The following NIPSNAP2 variants were observed in gnomAD, a reference collection of about 807,000 sequenced individuals.
NIPSNAP2 encodes nipsnap homolog 2.
In NIPSNAP2, 42 loss-of-function variants were observed where a neutral mutation model predicts 48.4. That is an observed-to-expected ratio of 0.87 (90% CI 0.68 to 1.12). The LOEUF is 1.12. Ranked by LOEUF, NIPSNAP2 falls within the 50% of genes most tolerant of loss-of-function variation. The pLI is 0.00. For missense variants in NIPSNAP2, 314 were observed against 347.3 expected (o/e 0.90, Z 0.76); for synonymous variants, 158 against 126.6 (o/e 1.25, Z -1.67).
chr7:55,997,428 G>A lies in NIPSNAP2; in HGVS notation c.775G>A (p.Glu259Lys), dbSNP rs1288523942. ...RNAAWHKHGW[E>K]ELVYYTVPLI... ...TGCAGCATGGCACAAACATGGCTGGGAGGAATTGGTATATTACACAGGTAA... is the reference window on the plus strand; with the variant it reads ...TGCAGCATGGCACAAACATGGCTGGAAGGAATTGGTATATTACACAGGTAA... The change falls in exon 9 of 10, where the codon GAG becomes AAG. Residue 259 changes from glutamate to lysine, a missense_variant. By Grantham distance (56) the Glu-to-Lys change is moderately conservative. Coordinates refer to ENST00000322090, the MANE Select transcript of NIPSNAP2 (RefSeq NM_001483.3). The A allele has an allele frequency of 1.2e-6, 2 of 1,613,308 alleles. No homozygotes were observed. Among genetic ancestry groups the A allele is most frequent in the Non-Finnish European group, 1.7e-6 (2 of 1,179,406 alleles).
chr7:55,978,293 G>C (rs1485250046), intron 2 of NIPSNAP2, 28 bp downstream of exon 2: 2 of 1,613,244 alleles, frequency 1.2e-6, no homozygotes, highest in Admixed American at 3.3e-5. Flanking sequence ...TATCTTCATA[G>C]TTGACTTTTT....
chr7:55,981,876 G>A (rs1308156169), intron 4 of NIPSNAP2: 6 of 343,954 alleles, frequency 1.7e-5, no homozygotes, highest in Non-Finnish European at 2.1e-5. Context: ...TGAGTATCTA[G>A]GCTCACTGCG....
intron 1 of NIPSNAP2, among the ~76,000 whole-genome samples, chr7:55,974,418 T>C (rs894622454): frequency 3.3e-5 from 5 of 152,102 alleles, no homozygotes; most frequent in Admixed American, 2.6e-4. Flanking sequence ...GAATTTGCTC[T>C]CATGAGAGTT....
chr7:55,977,305 C>T (rs570230521), intron 1 of NIPSNAP2, among the ~76,000 whole-genome samples: 1 of 152,120 alleles, frequency 6.6e-6, no homozygotes, highest in South Asian at 2.1e-4. Context: ...GCAGGAGAAT[C>T]GCTTGAACCT....
chr7:55,978,399 T>G lies in NIPSNAP2; in HGVS notation c.278+4T>G, dbSNP rs766415142. ...TAGAAGCATACAACAAAATTTGGTG[T>G]GTATACCAAACTATCCTTTACTTGG... is the stretch of plus-strand genomic sequence containing the variant. On this transcript the variant is annotated splice_donor_region_variant and intron_variant, in intron 3 of 9. Transcript: ENST00000322090. 14 of 1,609,872 alleles carry G rather than the reference T, an allele frequency of 8.7e-6. No homozygotes were observed. Among genetic ancestry groups the G allele is most frequent in the Non-Finnish European group, 1.1e-5 (13 of 1,178,228 alleles).
At chr7:55,995,500 C>A (rs1294602585) in intron 8 of NIPSNAP2, among the ~76,000 whole-genome samples, 1 of 152,204 alleles carries the variant, frequency 6.6e-6, no homozygotes, top group African/African-American at 2.4e-5. Flanking sequence ...AGATGTCACC[C>A]TTCCCCAGTA....
intron 1 of NIPSNAP2, among the ~76,000 whole-genome samples, chr7:55,973,497 A>T (rs1787050784): frequency 1.3e-5 from 2 of 151,532 alleles, no homozygotes; most frequent in African/African-American, 4.8e-5. Flanking sequence ...TTTTTTTGAG[A>T]TTGAGTCTTG....
rs115721661 is a variant in NIPSNAP2, at chr7:55,985,279, A to G, written c.617+401A>G. On this transcript the variant is annotated intron_variant, in intron 7 of 9. Transcript: ENST00000322090. ...AGGTTAGTTTACATACTTCTTGGAT[A>G]TCATCTTTTCTGAAACGTTACTTTT... Among the ~76,000 whole-genome samples the G allele has an allele frequency of 6.2e-3, 945 of 152,334 alleles. 10 individuals are homozygous for G. Among genetic ancestry groups the G allele is most frequent in the African/African-American group, 0.02 (851 of 41,584 alleles).
Position 55,983,909 on chromosome 7 carries a change from G to C in NIPSNAP2, c.585+41G>C, listed in dbSNP as rs776152741. The C allele has an allele frequency of 2.5e-6, 4 of 1,588,234 alleles. No homozygotes were observed. The East Asian group carries it at 9.0e-5, about 36-fold the overall frequency. The stretch of plus-strand genomic sequence containing the variant: ...TAAGTTATTCCTTTTACTCCTCTGT[G>C]AAAAAGCACAAGCATTTTGTAAGGC... On this transcript the variant is annotated intron_variant, in intron 6 of 9. Coordinates refer to ENST00000322090, the MANE Select transcript of NIPSNAP2 (RefSeq NM_001483.3).
At chr7:55,994,707 C>T (rs1787521566) in intron 7 of NIPSNAP2, among the ~76,000 whole-genome samples, 187 bp from the exon 8 acceptor site, 1 of 152,064 alleles carries the variant, frequency 6.6e-6, no homozygotes, top group Non-Finnish European at 1.5e-5. Flanking sequence ...AATGAGACTC[C>T]GTCTCAAATA....
chr7:55,995,066 T>C lies in NIPSNAP2; in HGVS notation c.712+78T>C, dbSNP rs545925627. 14 of 1,209,248 alleles carry C rather than the reference T, an allele frequency of 1.2e-5. No homozygotes were observed. In the East Asian group the frequency reaches 3.0e-4, roughly 26 times the overall value. 74.9% of individuals were successfully genotyped at this position (1,209,248 alleles called of 1,614,324 possible). ...TTGTACTGGGAAGTAGAGCACATCT[T>C]GAGTCAGTAACCTTAACCACTACAG... On this transcript the variant is annotated intron_variant, in intron 8 of 9. Transcript: ENST00000322090.
At chr7:55,973,658 A>G (rs570525731) in intron 1 of NIPSNAP2, among the ~76,000 whole-genome samples, 3 of 137,242 alleles carry the variant, frequency 2.2e-5, no homozygotes, top group African/African-American at 8.1e-5. Context: ...TTTTTTTTGT[A>G]GTGTTAGTAG....
At chr7:55,989,820 A>C (rs956571143) in intron 7 of NIPSNAP2, among the ~76,000 whole-genome samples, 1 of 152,114 alleles carries the variant, frequency 6.6e-6, no homozygotes, top group Non-Finnish European at 1.5e-5. Context: ...GAAGCTAAAA[A>C]TACTGCCTGG....
At chr7:55,968,031 C>T (rs1217341572) in intron 1 of NIPSNAP2, among the ~76,000 whole-genome samples, 1 of 152,070 alleles carries the variant, frequency 6.6e-6, no homozygotes, top group Non-Finnish European at 1.5e-5. Context: ...TCAAGCAGTC[C>T]TCCCACCCTC....
rs377461926 is a variant in NIPSNAP2 at position 55,971,163 on chromosome 7, T to C, written c.92+6462T>C. Among the ~76,000 whole-genome samples, 379 of 152,282 alleles carry C rather than the reference T, an allele frequency of 2.5e-3. 1 individual carries two copies. Among genetic ancestry groups the C allele is most frequent in the Non-Finnish European group, 4.4e-3 (296 of 68,020 alleles). On this transcript the variant is annotated intron_variant, in intron 1 of 9. Transcript: ENST00000322090. ...GAACCCAGGCCCAAGCCAGATCTTA[T>C]CATTTGGGCAGCCGTTGGCATAGCT...
intron 3 of NIPSNAP2, chr7:55,980,616 C>G (rs1467818687): frequency 6.6e-6 from 1 of 152,106 alleles, no homozygotes; most frequent in Non-Finnish European, 1.5e-5. Flanking sequence ...TACACTCTTC[C>G]CTTTGCCTTT....
chr7:55,981,244 C>A, intron 3 of NIPSNAP2: 1 of 362,042 alleles, frequency 2.8e-6, no homozygotes, highest in Non-Finnish European at 5.1e-6. Context: ...TTGAACAACT[C>A]TTCTAGATAG....
chr7:55,965,654 C>T (rs1046542303), intron 1 of NIPSNAP2, among the ~76,000 whole-genome samples: 2 of 145,782 alleles, frequency 1.4e-5, no homozygotes, highest in African/African-American at 4.9e-5. Flanking sequence ...GATCTTGTCT[C>T]ACTGCAACCT....
rs528904776 is a variant in NIPSNAP2 at position 55,989,032 on chromosome 7, A to C, written c.617+4154A>C. Among the ~76,000 whole-genome samples the C allele has an allele frequency of 5.3e-5, 8 of 152,300 alleles. No individual in the cohort carries two copies. The South Asian group carries it at 1.7e-3, about 32-fold the overall frequency. On this transcript the variant is annotated intron_variant, in intron 7 of 9. Transcript: ENST00000322090. ...GGCTAAATAATGCAAGTTAGAAAGC[A>C]AACATCCATGTAAACACTTAAGTGA...
Sources: allele counts gnomAD v4.1 joint callset (sites outside exome capture counted in the v4.1 genomes callset), GRCh38; gene constraint gnomAD v4.1.1; transcripts MANE v1.5; gene names NCBI Gene and HGNC (gene_info 2026-07-23, HGNC 2026-07-21).